Variants in CFTR observed in about 807,000 individuals in gnomAD.
The protein encoded by CFTR is cystic fibrosis transmembrane conductance regulator.
CFTR carries 181 observed loss-of-function variants against 171.6 expected under a neutral mutation model. That is an observed-to-expected ratio of 1.05 (90% CI 0.93 to 1.19). The LOEUF is 1.19. Ranked by LOEUF, CFTR falls within the 50% of genes most tolerant of loss-of-function variation. CFTR has a pLI of 0.00. For synonymous variants in CFTR, 583 were observed against 608.0 expected (o/e 0.96, Z 0.60); for missense variants, 1,968 against 1,734.7 (o/e 1.13, Z -2.39).
intron 18 of CFTR, among the ~76,000 whole-genome samples, chr7:117,609,763 T>C (rs1156957432): frequency 6.6e-6 from 1 of 152,136 alleles, no homozygotes; most frequent in Non-Finnish European, 1.5e-5. Flanking sequence ...CTAAAATTAT[T>C]TAAAAATAGT....
rs1798960814 is a variant in CFTR at position 117,536,578 on chromosome 7, A to G, written c.774A>G (p.Arg258=). The G allele has an allele frequency of 1.9e-6, 3 of 1,603,018 alleles. No individual in the cohort carries two copies. The highest frequency in any genetic ancestry group is 8.5e-7 in the Non-Finnish European group (1 of 1,173,788). ...AGAGAGCTGGGAAGATCAGTGAAAG[A>G]CTTGTGATTACCTCAGAAATGATTG... ...RDQRAGKISE[R]LVITSEMIEN... Residue 258 remains arginine, a synonymous_variant, in exon 7 of 27, where the codon AGA becomes AGG. Coordinates refer to ENST00000003084, the MANE Select transcript of CFTR (RefSeq NM_000492.4).
At chr7:117,522,476 C>A (rs946285135) in intron 3 of CFTR, among the ~76,000 whole-genome samples, 1 of 152,208 alleles carries the variant, frequency 6.6e-6, no homozygotes, top group African/African-American at 2.4e-5. Flanking sequence ...GTTTATTTCA[C>A]CATCACGCTG....
intron 22 of CFTR, among the ~76,000 whole-genome samples, chr7:117,630,727 G>A (rs1792727498): frequency 6.6e-6 from 1 of 152,108 alleles, no homozygotes; most frequent in East Asian, 1.9e-4. Context: ...GCCCAGACAA[G>A]CCTTGGGCAG....
chr7:117,535,458 C>CA lies in CFTR; in HGVS notation c.743+52dup, dbSNP rs769071061. 38 of 1,555,492 alleles carry CA rather than the reference C, an allele frequency of 2.4e-5. No homozygotes were observed. The highest frequency in any genetic ancestry group is 3.3e-5 in the Non-Finnish European group (37 of 1,133,588). ...TTGAAAGTTTTAAAAATTATGTTTT[C>CA]AAAAAGCCCACTTTAGTAAAACCAG... On this transcript the variant is annotated intron_variant, in intron 6 of 26. Transcript: ENST00000003084.
At chr7:117,520,318 G>A (rs1798666453) in intron 3 of CFTR, among the ~76,000 whole-genome samples, 1 of 148,742 alleles carries the variant, frequency 6.7e-6, no homozygotes, top group Non-Finnish European at 1.5e-5. Context: ...AATTTTGCTG[G>A]CAAATCTATA....
At chr7:117,613,364 G>A (rs1222684331) in intron 20 of CFTR, among the ~76,000 whole-genome samples, 1 of 152,114 alleles carries the variant, frequency 6.6e-6, no homozygotes, top group Non-Finnish European at 1.5e-5. Context: ...CGGAGTGGAT[G>A]TTGGCCACCC....
intron 15 of CFTR, among the ~76,000 whole-genome samples, chr7:117,601,874 G>T (rs867149241): frequency 7.9e-5 from 12 of 152,144 alleles, no homozygotes; most frequent in African/African-American, 2.9e-4. Context: ...GTTTAAAAAG[G>T]TTTTTTGTTT....
chr7:117,518,557 CAT>C (rs1798636049), intron 3 of CFTR, among the ~76,000 whole-genome samples: 1 of 141,466 alleles, frequency 7.1e-6, no homozygotes, highest in South Asian at 2.1e-4. Context: ...ATATAGAAAA[CAT>C]ATATAAAAAC....
rs376487786 is a variant in CFTR at position 117,537,573 on chromosome 7, A to G, written c.869+900A>G. On this transcript the variant is annotated intron_variant, in intron 7 of 26. Coordinates refer to ENST00000003084, the MANE Select transcript of CFTR (RefSeq NM_000492.4). ...ATTTTGGATGGTGTCAATATGGGTTATGAGGAATTCAGGCTGCTGAGTCCA... is the reference window on the plus strand; with the variant it reads ...ATTTTGGATGGTGTCAATATGGGTTGTGAGGAATTCAGGCTGCTGAGTCCA... Among the ~76,000 whole-genome samples, 6 of 152,328 alleles carry G rather than the reference A, an allele frequency of 3.9e-5. No individual in the cohort carries two copies. In the East Asian group the frequency reaches 9.7e-4, roughly 25 times the overall value.
At chr7:117,482,044 C>CA (rs936095400) in intron 1 of CFTR, among the ~76,000 whole-genome samples, 17 of 152,284 alleles carry the variant, frequency 1.1e-4, no homozygotes, top group African/African-American at 4.1e-4. Flanking sequence ...ACCATATTTT[C>CA]ACATTCATCA....
intron 8 of CFTR, 60 bp downstream of exon 8, chr7:117,540,406 T>A: frequency 6.7e-7 from 1 of 1,494,016 alleles, no homozygotes; most frequent in Non-Finnish European, 9.1e-7. Flanking sequence ...AATAGATCAG[T>A]TCTAATGAAC....
chr7:117,577,070 A>G (rs1791781884), intron 11 of CFTR, among the ~76,000 whole-genome samples: 2 of 152,188 alleles, frequency 1.3e-5, no homozygotes, highest in African/African-American at 4.8e-5. Flanking sequence ...TGGAGACTTT[A>G]CAGAGGAAAT....
At chr7:117,610,431 A>G (rs1271331667) in intron 18 of CFTR, 88 bp from the exon 19 acceptor site, 14 of 1,267,104 alleles carry the variant, frequency 1.1e-5, no homozygotes, top group African/African-American at 1.5e-5. Flanking sequence ...TATGCAAAAA[A>G]AAAAAAAGAA....
intron 21 of CFTR, among the ~76,000 whole-genome samples, chr7:117,623,832 C>T (rs1395263585): frequency 1.3e-5 from 2 of 152,100 alleles, no homozygotes; most frequent in African/African-American, 2.4e-5. Flanking sequence ...TTGAACTGTC[C>T]ATTGTTTGAC....
At chr7:117,579,065 A>G (rs1290959550) in intron 11 of CFTR, among the ~76,000 whole-genome samples, 2 of 152,024 alleles carry the variant, frequency 1.3e-5, no homozygotes, top group African/African-American at 2.4e-5. Flanking sequence ...TCTACTTGCA[A>G]TAACCCTTTA....
chr7:117,602,459 A>G (rs759788792), intron 15 of CFTR, among the ~76,000 whole-genome samples: 76 of 152,248 alleles, frequency 5.0e-4, no homozygotes, highest in Admixed American at 2.6e-4. Flanking sequence ...CAAACAGATT[A>G]ATTATCTGCC....
intron 5 of CFTR, among the ~76,000 whole-genome samples, chr7:117,534,644 T>A (rs1035934509): frequency 6.6e-6 from 1 of 152,232 alleles, no homozygotes; most frequent in Non-Finnish European, 1.5e-5. Flanking sequence ...ACTTTAAATC[T>A]GTTATGTACT....
rs1328356747 is a variant in CFTR at position 117,602,832 on chromosome 7, G to C, written c.2626G>C (p.Ala876Pro). The part of the protein sequence containing the change: ...CLVIFLAEVA[A>P]SLVVLWLLGN... ...GTGTCTTGTTCCATTCCAGGTGGCTGCTTCTTTGGTTGTGCTGTGGCTCCT... is the reference window on the plus strand; with the variant it reads ...GTGTCTTGTTCCATTCCAGGTGGCTCCTTCTTTGGTTGTGCTGTGGCTCCT... Residue 876 changes from alanine to proline, a missense_variant, in exon 16 of 27, where the codon GCT becomes CCT. Transcript: ENST00000003084. The C allele has an allele frequency of 1.2e-6, 2 of 1,613,826 alleles. No homozygotes were observed. The highest frequency in any genetic ancestry group is 2.2e-5 in the East Asian group (1 of 44,892).
chr7:117,636,466 C>T (rs565566460), intron 22 of CFTR, among the ~76,000 whole-genome samples: 1 of 152,122 alleles, frequency 6.6e-6, no homozygotes, highest in African/African-American at 2.4e-5. Context: ...GTCATTATTG[C>T]TTCAAATATT....
Sources: gnomAD v4.1 joint callset for allele counts (sites outside exome capture counted in the v4.1 genomes callset) on GRCh38, gnomAD v4.1.1 for gene constraint, MANE v1.5 for transcripts, NCBI Gene and HGNC (gene_info 2026-07-23, HGNC 2026-07-21) for gene names.